The following CNTNAP2 variants were observed in gnomAD, a reference collection of about 807,000 sequenced individuals.
CNTNAP2 encodes contactin-associated protein-like 2.
CNTNAP2 carries 98 observed loss-of-function variants against 155.2 expected under a neutral mutation model. The observed-to-expected ratio is 0.63, with a 90% confidence interval of 0.54 to 0.75. The LOEUF is 0.75. Ranked by LOEUF, CNTNAP2 falls within the 30% of genes least tolerant of loss-of-function variation. The pLI is 0.00. For missense variants in CNTNAP2, 1,727 were observed against 1,688.1 expected (o/e 1.02, Z -0.40); for synonymous variants, 651 against 631.2 (o/e 1.03, Z -0.47).
chr7:147,923,408 G>T (rs1048595068), intron 14 of CNTNAP2, among the ~76,000 whole-genome samples: 1 of 152,178 alleles, frequency 6.6e-6, no homozygotes, highest in Middle Eastern at 3.2e-3. Context: ...AGATTTAAGT[G>T]ATGTGTCTAC....
chr7:146,808,155 AAT>A (rs1384335827), intron 2 of CNTNAP2, among the ~76,000 whole-genome samples: 3 of 152,148 alleles, frequency 2.0e-5, no homozygotes, highest in Non-Finnish European at 2.9e-5. Flanking sequence ...TCTCTAATAT[AAT>A]TTATTCATTG....
intron 15 of CNTNAP2, among the ~76,000 whole-genome samples, chr7:148,071,612 G>A (rs1054802297): frequency 6.6e-6 from 1 of 152,220 alleles, no homozygotes; most frequent in Non-Finnish European, 1.5e-5. Flanking sequence ...GGAATTCCTA[G>A]ACAGACAGCT....
intron 20 of CNTNAP2, among the ~76,000 whole-genome samples, chr7:148,241,369 C>T (rs766120670): frequency 6.6e-6 from 1 of 152,154 alleles, no homozygotes; most frequent in Non-Finnish European, 1.5e-5. Context: ...GGTTTCTTTC[C>T]ATTGATTTGT....
At chr7:148,213,759 T>C (rs1252608303) in intron 18 of CNTNAP2, among the ~76,000 whole-genome samples, 1 of 151,902 alleles carries the variant, frequency 6.6e-6, no homozygotes, top group Non-Finnish European at 1.5e-5. Context: ...CTCCCTCCCC[T>C]GTCCTCTGTT....
chr7:148,390,759 T>C (rs1799327931), intron 22 of CNTNAP2, among the ~76,000 whole-genome samples: 1 of 152,210 alleles, frequency 6.6e-6, no homozygotes, highest in Non-Finnish European at 1.5e-5. Flanking sequence ...GTAATAAGAT[T>C]CTTTTTCTCA....
chr7:146,862,916 A>G (rs1234210026), intron 3 of CNTNAP2, among the ~76,000 whole-genome samples: 1 of 152,166 alleles, frequency 6.6e-6, no homozygotes, highest in African/African-American at 2.4e-5. Flanking sequence ...TCAGTAATAA[A>G]CCAGTGTTAT....
At chr7:147,264,865 A>G (rs938844755) in intron 8 of CNTNAP2, among the ~76,000 whole-genome samples, 8 of 152,114 alleles carry the variant, frequency 5.3e-5, no homozygotes, top group African/African-American at 1.9e-4. Flanking sequence ...TGAAGCTCAA[A>G]AGGACATACT....
chr7:147,627,709 A>G (rs1375812933), intron 12 of CNTNAP2, among the ~76,000 whole-genome samples: 3 of 150,494 alleles, frequency 2.0e-5, no homozygotes, highest in African/African-American at 7.3e-5. Context: ...AAAAAAAAAA[A>G]AAAAAGATAT....
intron 8 of CNTNAP2, among the ~76,000 whole-genome samples, chr7:147,260,330 G>GT (rs1804430522): frequency 6.6e-6 from 1 of 152,098 alleles, no homozygotes; most frequent in Non-Finnish European, 1.5e-5. Flanking sequence ...TTTGTTTCAG[G>GT]TCTCTAAGAT....
chr7:146,864,345 G>A (rs1322079979), intron 3 of CNTNAP2, among the ~76,000 whole-genome samples: 1 of 152,018 alleles, frequency 6.6e-6, no homozygotes, highest in East Asian at 1.9e-4. Flanking sequence ...TATGGCAACA[G>A]ATATAAAAAA....
At chr7:148,325,127 T>C (rs1797865444) in intron 21 of CNTNAP2, among the ~76,000 whole-genome samples, 1 of 152,240 alleles carries the variant, frequency 6.6e-6, no homozygotes, top group Admixed American at 6.5e-5. Flanking sequence ...AAGGCCATTC[T>C]TGTAAAATAA....
intron 1 of CNTNAP2, among the ~76,000 whole-genome samples, chr7:146,258,581 C>T (rs1692231955): frequency 6.6e-6 from 1 of 151,982 alleles, no homozygotes; most frequent in Non-Finnish European, 1.5e-5. Context: ...AGATGTGTAC[C>T]CATATAGTGA....
intron 3 of CNTNAP2, among the ~76,000 whole-genome samples, chr7:146,861,682 C>T (rs1795104419): frequency 6.6e-6 from 1 of 152,080 alleles, no homozygotes; most frequent in Non-Finnish European, 1.5e-5. Flanking sequence ...GGTCTACAAA[C>T]ATAAACTGCT....
intron 1 of CNTNAP2, among the ~76,000 whole-genome samples, chr7:146,750,572 C>T (rs913293496): frequency 4.0e-5 from 6 of 151,586 alleles, no homozygotes; most frequent in Non-Finnish European, 8.8e-5. Flanking sequence ...GCTTCTTGAG[C>T]AGGTTGCTAT....
In CNTNAP2 at chr7:148,352,804, G is replaced by A. The variant is rs560926405; in HGVS notation, c.3476-30845G>A. Among the ~76,000 whole-genome samples, 7 of 152,320 alleles carry A rather than the reference G, an allele frequency of 4.6e-5. No individual in the cohort carries two copies. In the East Asian group the frequency reaches 5.8e-4, roughly 13 times the overall value. ...GAAGCCGCCACTCTCACCATGCACC[G>A]TGAGGGGGTATCCTTGATGGGATGC... On this transcript the variant is annotated intron_variant, in intron 21 of 23. Transcript: ENST00000361727.
chr7:147,650,856 C>A lies in CNTNAP2; in HGVS notation c.2098+11550C>A, dbSNP rs150466472. Among the ~76,000 whole-genome samples, 8 of 152,116 alleles carry A rather than the reference C, an allele frequency of 5.3e-5. No homozygotes were observed. The East Asian group carries it at 1.4e-3, about 26-fold the overall frequency. On this transcript the variant is annotated intron_variant, in intron 13 of 23. Transcript: ENST00000361727. Reference sequence around the variant, plus strand: ...ATTTTTTTTATGATGACAATAAAATCATTTTGTATAAGACTTATAAATACT... The same window carrying A: ...ATTTTTTTTATGATGACAATAAAATAATTTTGTATAAGACTTATAAATACT...
intron 16 of CNTNAP2, among the ~76,000 whole-genome samples, chr7:148,136,535 A>G (rs1010774094): frequency 1.3e-5 from 2 of 152,198 alleles, no homozygotes; most frequent in Non-Finnish European, 2.9e-5. Context: ...CAGAGCCAAG[A>G]GTCAAATAAA....
chr7:146,578,794 C>T (rs781269035), intron 1 of CNTNAP2, among the ~76,000 whole-genome samples: 3 of 152,122 alleles, frequency 2.0e-5, no homozygotes, highest in Non-Finnish European at 4.4e-5. Flanking sequence ...ATGTTATGCA[C>T]TTATAACTGT....
At chr7:148,164,556 C>T (rs909601306) in intron 17 of CNTNAP2, among the ~76,000 whole-genome samples, 10 of 151,420 alleles carry the variant, frequency 6.6e-5, no homozygotes, top group Non-Finnish European at 2.9e-5. Context: ...CAGCCCTCCA[C>T]GAATGATAAG....
Sources: allele counts gnomAD v4.1 joint callset (sites outside exome capture counted in the v4.1 genomes callset), GRCh38; gene constraint gnomAD v4.1.1; transcripts MANE v1.5; gene names NCBI Gene and HGNC (gene_info 2026-07-23, HGNC 2026-07-21).